The following SIRT5 variants were observed in gnomAD, a reference collection of about 807,000 sequenced individuals.
The protein encoded by SIRT5 is NAD-dependent protein deacylase sirtuin-5, mitochondrial.
A neutral mutation model predicts 40.0 loss-of-function variants in SIRT5; 26 were observed. The observed-to-expected ratio is 0.65, with a 90% CI of 0.48 to 0.90. The LOEUF is 0.90. Ranked by LOEUF, SIRT5 falls within the 40% of genes least tolerant of loss-of-function variation. SIRT5 has a pLI of 0.00. For missense variants in SIRT5, 401 were observed against 402.4 expected, an observed-to-expected ratio of 1.00 and a Z score of 0.03; for synonymous variants, 146 against 149.1, an observed-to-expected ratio of 0.98 and a Z score of 0.15.
At chr6:13,597,743 G>A (rs903595893) in intron 7 of SIRT5, among the ~76,000 whole-genome samples, 4 of 151,838 alleles carry the variant, frequency 2.6e-5, no homozygotes, top group African/African-American at 7.3e-5. Context: ...ATGAGGTTTC[G>A]CCATGTTGGC....
intron 7 of SIRT5, among the ~76,000 whole-genome samples, chr6:13,598,544 G>A (rs1238770534): frequency 6.6e-6 from 1 of 152,102 alleles, no homozygotes; most frequent in African/African-American, 2.4e-5. Context: ...AATAAGGACA[G>A]TTCTGCAGGG....
At chr6:13,579,891 C>T (rs924498228) in intron 2 of SIRT5, among the ~76,000 whole-genome samples, 1 of 152,248 alleles carries the variant, frequency 6.6e-6, no homozygotes, top group African/African-American at 2.4e-5. Context: ...ATTAACACCT[C>T]ATTTGTTCCT....
chr6:13,590,778 TGTTTA>T (rs1482342465), intron 4 of SIRT5, among the ~76,000 whole-genome samples: 2 of 151,914 alleles, frequency 1.3e-5, no homozygotes, highest in African/African-American at 4.8e-5. Context: ...TGTGTGTATA[TGTTTA>T]GTTGTGTGTA....
intron 1 of SIRT5, among the ~76,000 whole-genome samples, chr6:13,575,556 A>G (rs1288478694): frequency 1.3e-5 from 2 of 151,666 alleles, no homozygotes; most frequent in Non-Finnish European, 1.5e-5. Flanking sequence ...AATTATTTTT[A>G]TTGACAAATT....
chr6:13,609,071 C>G (rs1459675834), intron 9 of SIRT5, among the ~76,000 whole-genome samples: 1 of 152,232 alleles, frequency 6.6e-6, no homozygotes, highest in Non-Finnish European at 1.5e-5. Flanking sequence ...ATTTGCCCAC[C>G]TCGGTCTCCC....
chr6:13,601,863 A>G (rs1277828072), intron 9 of SIRT5, among the ~76,000 whole-genome samples: 1 of 151,932 alleles, frequency 6.6e-6, no homozygotes, highest in Non-Finnish European at 1.5e-5. Flanking sequence ...AAAAAGAAAG[A>G]AAAGGGGCCA....
At position 13,579,982 on chromosome 6, in the gene SIRT5, C is replaced by T. The variant is rs536684349; in HGVS notation, c.-36+373C>T. On this transcript the variant is annotated intron_variant, in intron 2 of 9. Transcript: ENST00000606117. ...GTTGAAGATCATGGCAATCCATTTT[C>T]CTCAAGCTTTCTTTAAATCAAGCAC... is the stretch of plus-strand genomic sequence containing the variant. 2.6e-5 allele frequency among the ~76,000 whole-genome samples: 4 copies of T among 152,334 alleles called. No individual in the cohort carries two copies. The South Asian group carries it at 8.3e-4, about 32-fold the overall frequency.
chr6:13,599,260 G>T, intron 8 of SIRT5, 105 bp downstream of exon 8: 1 of 1,209,040 alleles, frequency 8.3e-7, no homozygotes. Context: ...TTTCCTTCCC[G>T]CCTTCTCTCC....
chr6:13,588,320 A>C lies in SIRT5; in HGVS notation c.116-11A>C, dbSNP rs1222010000. ...TGTACACTGGATTGATAAAGATTTCACTCTGTTTAGGTATGGCAGATTTTC... is the reference window on the plus strand; with the variant it reads ...TGTACACTGGATTGATAAAGATTTCCCTCTGTTTAGGTATGGCAGATTTTC... On this transcript the variant is annotated splice_polypyrimidine_tract_variant and intron_variant, in intron 3 of 9. Coordinates refer to ENST00000606117, the MANE Select transcript of SIRT5 (RefSeq NM_012241.5). The C allele has an allele frequency of 6.2e-7, 1 of 1,610,642 alleles. No individual in the cohort carries two copies. Among genetic ancestry groups the C allele is most frequent in the African/African-American group, 1.3e-5 (1 of 74,630 alleles).
intron 3 of SIRT5, among the ~76,000 whole-genome samples, chr6:13,587,337 G>A (rs532493606): frequency 3.3e-5 from 5 of 152,328 alleles, no homozygotes; most frequent in Admixed American, 2.6e-4. Context: ...ACAAGGGCCT[G>A]CAGAGCTGCG....
chr6:13,605,300 C>G lies in SIRT5; in HGVS notation c.857+4351C>G. 3 of 823,692 alleles carry G rather than the reference C, an allele frequency of 3.6e-6. No individual in the cohort carries two copies. In the South Asian group the frequency reaches 1.7e-4, roughly 46 times the overall value. The allele number at this position is 823,692 out of a possible 1,614,324, so 51.0% of individuals were successfully genotyped here. ...TGTGGCTGCTTTTGCATTAGGATGA[C>G]AGAGGTGAATAGTTGCAACAGAGAC... On this transcript the variant is annotated intron_variant, in intron 9 of 9. Transcript: ENST00000606117.
intron 8 of SIRT5, 70 bp from the exon 9 acceptor site, chr6:13,600,764 G>A: frequency 1.6e-6 from 2 of 1,263,716 alleles, no homozygotes; most frequent in Non-Finnish European, 2.2e-6. Context: ...TTTGTGTAAG[G>A]TTTTCTGAAA....
At chr6:13,598,176 A>C (rs1428822777) in intron 7 of SIRT5, among the ~76,000 whole-genome samples, 3 of 152,196 alleles carry the variant, frequency 2.0e-5, no homozygotes, top group Admixed American at 1.3e-4. Flanking sequence ...GAATAGGTAG[A>C]CCTGGAGGAT....
chr6:13,575,568 A>G (rs2127595215), intron 1 of SIRT5, among the ~76,000 whole-genome samples: 1 of 151,986 alleles, frequency 6.6e-6, no homozygotes, highest in Admixed American at 6.6e-5. Context: ...TGACAAATTT[A>G]TATATTTATA....
intron 5 of SIRT5, among the ~76,000 whole-genome samples, chr6:13,594,296 A>G (rs953792782): frequency 1.3e-5 from 2 of 152,216 alleles, no homozygotes; most frequent in African/African-American, 4.8e-5. Flanking sequence ...TCTGAATTTC[A>G]GAGATGTGAA....
chr6:13,599,191 T>G (rs754464493), intron 8 of SIRT5, 36 bp downstream of exon 8: 4 of 1,584,228 alleles, frequency 2.5e-6, no homozygotes, highest in Non-Finnish European at 3.4e-6. Context: ...AGGACAGGAC[T>G]GGAGTTTGTT....
chr6:13,608,996 AT>A (rs972922260), intron 9 of SIRT5, among the ~76,000 whole-genome samples: 3 of 152,030 alleles, frequency 2.0e-5, no homozygotes, highest in Non-Finnish European at 4.4e-5. Context: ...TAATTTTTGT[AT>A]TTTTAGTAGA....
chr6:13,575,621 G>T (rs552342410), intron 1 of SIRT5, among the ~76,000 whole-genome samples: 9 of 152,142 alleles, frequency 5.9e-5, no homozygotes, highest in South Asian at 2.1e-4. Flanking sequence ...ATTGTAGAAA[G>T]ATTAAATCAA....
intron 1 of SIRT5, among the ~76,000 whole-genome samples, chr6:13,575,717 A>G (rs1347636238): frequency 1.3e-5 from 2 of 152,174 alleles, no homozygotes; most frequent in African/African-American, 2.4e-5. Flanking sequence ...ATCATCAACT[A>G]TGGTCACCAT....
Sources: allele counts gnomAD v4.1 joint callset (sites outside exome capture counted in the v4.1 genomes callset), GRCh38; gene constraint gnomAD v4.1.1; transcripts MANE v1.5; gene names NCBI Gene and HGNC (gene_info 2026-07-23, HGNC 2026-07-21).